The following RANBP2 variants were observed in gnomAD, a reference collection of about 807,000 sequenced individuals.
RANBP2 encodes the protein E3 SUMO-protein ligase RanBP2.
RANBP2 carries 57 observed loss-of-function variants against 303.6 expected under a neutral mutation model. The ratio of observed to expected loss-of-function variants is 0.19; its 90% CI spans 0.15 to 0.23. The LOEUF is 0.23. RANBP2 is among the 10% of genes least tolerant of loss of function. RANBP2 has a pLI of 1.00. For missense variants in RANBP2, 3,138 were observed against 3,780.8 expected, an observed-to-expected ratio of 0.83 and a Z score of 4.46; for synonymous variants, 1,167 against 1,301.5, an observed-to-expected ratio of 0.90 and a Z score of 2.23.
the RANBP2 span, among the ~76,000 whole-genome samples, chr2:109,168,913 C>A: frequency 6.3e-3 from 955 of 152,314 alleles, 14 homozygotes; most frequent in African/African-American, 0.02. Flanking sequence ...CTTCAGGACT[C>A]CTGAGCCAAA....
the RANBP2 span, among the ~76,000 whole-genome samples, chr2:109,375,171 C>T: frequency 1.3e-5 from 2 of 152,260 alleles, no homozygotes; most frequent in Non-Finnish European, 2.9e-5. Flanking sequence ...TGCCCCTGGG[C>T]ACTGACCCCA....
the RANBP2 span, among the ~76,000 whole-genome samples, chr2:109,084,063 T>C: frequency 2.6e-5 from 4 of 152,166 alleles, no homozygotes; most frequent in Non-Finnish European, 5.9e-5. Flanking sequence ...GCAAAGCCAA[T>C]TGGTGTGGAA....
chr2:109,275,514 G>T, the RANBP2 span, among the ~76,000 whole-genome samples: 1 of 152,112 alleles, frequency 6.6e-6, no homozygotes, highest in Admixed American at 6.5e-5. Flanking sequence ...GATTGTTCCC[G>T]ATGACCTAGT....
the RANBP2 span, among the ~76,000 whole-genome samples, chr2:109,188,866 G>A: frequency 8.5e-5 from 13 of 152,262 alleles, no homozygotes; most frequent in South Asian, 1.7e-3. Flanking sequence ...CAGGGGGAAC[G>A]TGTTCGCTTT....
At chr2:109,449,564 G>A in the RANBP2 span, 2 of 1,514,962 alleles carry the variant, frequency 1.3e-6, no homozygotes, top group Non-Finnish European at 1.8e-6. Flanking sequence ...CTAGATGGCA[G>A]TGGCATTTGT....
chr2:109,153,778 C>T, the RANBP2 span, among the ~76,000 whole-genome samples: 1 of 152,136 alleles, frequency 6.6e-6, no homozygotes, highest in Non-Finnish European at 1.5e-5. Flanking sequence ...ACATTAACCA[C>T]CCCCCGACCC....
At chr2:109,294,226 G>A in the RANBP2 span, among the ~76,000 whole-genome samples, 1 of 152,120 alleles carries the variant, frequency 6.6e-6, no homozygotes, top group Admixed American at 6.6e-5. Flanking sequence ...GATTTTGCTG[G>A]AGACATGGGG....
the RANBP2 span, among the ~76,000 whole-genome samples, chr2:108,987,441 G>A: frequency 6.6e-6 from 1 of 152,220 alleles, no homozygotes; most frequent in Non-Finnish European, 1.5e-5. Context: ...CTAGGCAAGA[G>A]GGTACCATGA....
chr2:108,744,442 TGA>T (rs1051923523), intron 7 of RANBP2, among the ~76,000 whole-genome samples: 1 of 151,872 alleles, frequency 6.6e-6, no homozygotes, highest in Non-Finnish European at 1.5e-5. Context: ...TGAGATGATT[TGA>T]TTGAGTGGAT....
the RANBP2 span, among the ~76,000 whole-genome samples, chr2:109,042,533 T>G: frequency 6.6e-6 from 1 of 152,152 alleles, no homozygotes; most frequent in African/African-American, 2.4e-5. Flanking sequence ...AAAAACACCA[T>G]TAGTCTATCA....
chr2:109,239,882 T>C, the RANBP2 span, among the ~76,000 whole-genome samples: 1 of 152,300 alleles, frequency 6.6e-6, no homozygotes, highest in African/African-American at 2.4e-5. Context: ...TAGAGAAATG[T>C]GTGCTGAAGG....
At chr2:109,486,578 T>C in the RANBP2 span, among the ~76,000 whole-genome samples, 1 of 152,312 alleles carries the variant, frequency 6.6e-6, no homozygotes, top group South Asian at 2.1e-4. Context: ...AGCGCTCCTA[T>C]AGCTGTCATC....
chr2:109,072,396 C>A, the RANBP2 span, among the ~76,000 whole-genome samples: 1 of 152,168 alleles, frequency 6.6e-6, no homozygotes, highest in South Asian at 2.1e-4. Context: ...CCTGCATGGG[C>A]CCTCACCATG....
the RANBP2 span, among the ~76,000 whole-genome samples, chr2:109,122,836 G>A: frequency 6.6e-6 from 1 of 152,094 alleles, no homozygotes; most frequent in Non-Finnish European, 1.5e-5. Flanking sequence ...GTGCCACTGC[G>A]CTCCAAACTG....
chr2:108,729,279 A>G lies in RANBP2; in HGVS notation c.140+80A>G. 3 of 1,417,246 alleles carry G rather than the reference A, an allele frequency of 2.1e-6. No homozygotes were observed. The East Asian group carries it at 7.3e-5, about 34-fold the overall frequency. The allele number at this position is 1,417,246 out of a possible 1,614,324, so 87.8% of individuals were successfully genotyped here. A position where few individuals can be genotyped will look rare whatever the true frequency, so the allele number is the denominator to read the frequency against. On this transcript the variant is annotated intron_variant, in intron 2 of 28. Transcript: ENST00000283195. ...TTTCTTCTTTGAAATAGGTAAAAAT[A>G]TGTTCTTAGTAGTTCTTCCTAAGTG...
chr2:109,222,712 G>A, the RANBP2 span, among the ~76,000 whole-genome samples: 5 of 152,366 alleles, frequency 3.3e-5, no homozygotes, highest in East Asian at 3.9e-4. Flanking sequence ...CTGGGATGGC[G>A]TGGGCTCCTT....
the RANBP2 span, among the ~76,000 whole-genome samples, chr2:109,165,152 A>G: frequency 6.6e-6 from 1 of 152,084 alleles, no homozygotes; most frequent in African/African-American, 2.4e-5. Context: ...AACTTAGGTC[A>G]TCAACTTGCT....
chr2:109,595,421 C>T, the RANBP2 span, among the ~76,000 whole-genome samples: 2 of 152,252 alleles, frequency 1.3e-5, no homozygotes, highest in East Asian at 3.9e-4. Flanking sequence ...TTCACTTACA[C>T]CCTGCCATTC....
the RANBP2 span, among the ~76,000 whole-genome samples, chr2:108,902,797 A>C: frequency 6.6e-6 from 1 of 152,250 alleles, no homozygotes; most frequent in Non-Finnish European, 1.5e-5. Flanking sequence ...CTAATATTAT[A>C]CTTAATGGTG....
Sources: allele counts gnomAD v4.1 joint callset (sites outside exome capture counted in the v4.1 genomes callset), GRCh38; gene constraint gnomAD v4.1.1; transcripts MANE v1.5; gene names NCBI Gene and HGNC (gene_info 2026-07-23, HGNC 2026-07-21).